ERMP1: variants seen among roughly 807,000 people sequenced by gnomAD.
ERMP1 encodes the protein Felix-ina.
In ERMP1, 86 loss-of-function variants were observed where a neutral mutation model predicts 92.0. The ratio of observed to expected loss-of-function variants is 0.93; its 90% CI spans 0.79 to 1.12. ERMP1 has a LOEUF of 1.12. ERMP1 is among the 50% of genes most tolerant of loss of function. The pLI, the probability that ERMP1 is intolerant of heterozygous loss-of-function variation, is 0.00. For missense variants in ERMP1, 1,342 were observed against 1,116.3 expected (o/e 1.20, Z -2.88); for synonymous variants, 530 against 412.8 (o/e 1.28, Z -3.44).
chr9:5,835,051 T>TA (rs1185866223), upstream of ERMP1, among the ~76,000 whole-genome samples: 3 of 148,614 alleles, frequency 2.0e-5, no homozygotes, highest in African/African-American at 7.4e-5. Flanking sequence ...AGATTCTCAT[T>TA]AAAAACTATT....
chr9:5,824,072 C>T (rs1829643977), intron 3 of ERMP1, 71 bp from the exon 4 acceptor site: 1 of 1,178,164 alleles, frequency 8.5e-7, no homozygotes. Context: ...TTTGCTTAAA[C>T]ACAGAGAGAC....
chr9:5,791,805 T>C (rs1563746170), intron 13 of ERMP1, among the ~76,000 whole-genome samples: 1 of 152,196 alleles, frequency 6.6e-6, no homozygotes, highest in Non-Finnish European at 1.5e-5. Context: ...TGCCAGTGAT[T>C]ATACTGGATG....
intron 2 of ERMP1, among the ~76,000 whole-genome samples, chr9:5,828,647 G>A (rs188193951): frequency 6.0e-4 from 91 of 152,308 alleles, no homozygotes; most frequent in Non-Finnish European, 1.0e-3. Context: ...ACCTCTTTGA[G>A]ATGTACTCAT....
At chr9:5,845,213 T>C (rs1349045138) in intron 6 of ERMP1, among the ~76,000 whole-genome samples, 1 of 152,032 alleles carries the variant, frequency 6.6e-6, no homozygotes, top group African/African-American at 2.4e-5. Flanking sequence ...TCTTAAAGTT[T>C]TAATGCCCCT....
intron 6 of ERMP1, among the ~76,000 whole-genome samples, chr9:5,851,528 G>A (rs1462994243): frequency 6.6e-6 from 1 of 152,118 alleles, no homozygotes; most frequent in East Asian, 1.9e-4. Context: ...GGCGAGGGAG[G>A]GTTCGTGATC....
At chr9:5,859,642 G>A (rs929832493) in intron 5 of ERMP1, among the ~76,000 whole-genome samples, 26 of 152,268 alleles carry the variant, frequency 1.7e-4, no homozygotes, top group African/African-American at 6.3e-4. Context: ...GAAAATAGAG[G>A]CACATGTGCT....
intron 6 of ERMP1, among the ~76,000 whole-genome samples, chr9:5,853,935 G>C (rs1431730181): frequency 6.6e-6 from 1 of 151,812 alleles, no homozygotes; most frequent in African/African-American, 2.4e-5. Flanking sequence ...ACAAAAGACA[G>C]ATGAACAGAG....
rs1173743615 is a variant in ERMP1, at chr9:5,830,954, T to G, written c.413A>C (p.His138Pro). ...CAGTTTAATCTGTTCCAAAAGGTAG[T>G]GCACGGTCAGAATTTCATTTTCTGG... ...GSPENEILTV[H>P]YLLEQIKLIE... The change falls in exon 2 of 15, where the codon CAC (histidine) becomes CCC (proline). Residue 138 changes from histidine to proline, a missense_variant. By Grantham distance (77) the His-to-Pro change is moderately conservative (BLOSUM62 -2). Transcript: ENST00000339450. 3.1e-6 allele frequency: 5 copies of G among 1,614,024 alleles called. No homozygotes were observed. Among genetic ancestry groups the G allele is most frequent in the African/African-American group, 1.3e-5 (1 of 74,928 alleles).
chr9:5,805,000 A>T, intron 10 of ERMP1, 27 bp downstream of exon 10: 1 of 1,554,892 alleles, frequency 6.4e-7, no homozygotes, highest in Non-Finnish European at 8.7e-7. Context: ...AAAATGAAGA[A>T]AAAGAAAAAA....
chr9:5,827,128 T>C (rs1829757434), intron 2 of ERMP1, among the ~76,000 whole-genome samples: 1 of 152,194 alleles, frequency 6.6e-6, no homozygotes, highest in South Asian at 2.1e-4. Flanking sequence ...TTTCTGTGGA[T>C]AACATTACTC....
intron 6 of ERMP1, among the ~76,000 whole-genome samples, chr9:5,845,288 T>G (rs541875557): frequency 6.6e-6 from 1 of 152,222 alleles, no homozygotes; most frequent in African/African-American, 2.4e-5. Context: ...TCTTGTCAGG[T>G]GTTTTTGCTT....
chr9:5,834,703 A>ATGTG (rs766269385), upstream of ERMP1, among the ~76,000 whole-genome samples: 12,663 of 122,680 alleles, frequency 0.1, 832 homozygotes, highest in Non-Finnish European at 0.12. Context: ...GTATGTATAT[A>ATGTG]TGTGTGTGTG....
chr9:5,850,405 CAAAAAAAAAAAAA>C (rs59464514), intron 6 of ERMP1, among the ~76,000 whole-genome samples: 2 of 40,598 alleles, frequency 4.9e-5, no homozygotes, highest in Non-Finnish European at 8.0e-5. Flanking sequence ...AACTCCGTCT[CAAAAAAAAAAAAA>C]AAAAAAAAAA....
chr9:5,846,067 A>C (rs1341582039), intron 6 of ERMP1, among the ~76,000 whole-genome samples: 2 of 152,146 alleles, frequency 1.3e-5, no homozygotes, highest in Non-Finnish European at 2.9e-5. Flanking sequence ...GGTGGGGTGG[A>C]TTCTGCACCC....
chr9:5,825,492 A>C (rs910467968), intron 2 of ERMP1, among the ~76,000 whole-genome samples: 3 of 152,240 alleles, frequency 2.0e-5, no homozygotes, highest in African/African-American at 7.2e-5. Context: ...TAAATGAAGT[A>C]ACCTGAGGGG....
At chr9:5,848,454 T>C (rs559051025) in intron 6 of ERMP1, among the ~76,000 whole-genome samples, 1 of 152,300 alleles carries the variant, frequency 6.6e-6, no homozygotes, top group South Asian at 2.1e-4. Flanking sequence ...AGATAATACA[T>C]TCGTATTGTT....
intron 2 of ERMP1, among the ~76,000 whole-genome samples, chr9:5,828,922 T>G (rs909158843): frequency 6.6e-6 from 1 of 152,066 alleles, no homozygotes; most frequent in Non-Finnish European, 1.5e-5. Context: ...AAGAGTGACA[T>G]TTATTACTGC....
chr9:5,822,081 C>T (rs1329668393), intron 4 of ERMP1, among the ~76,000 whole-genome samples: 1 of 151,716 alleles, frequency 6.6e-6, no homozygotes, highest in East Asian at 1.9e-4. Flanking sequence ...TGGCCAAACC[C>T]CATCTCTACA....
At position 5,830,871 on chromosome 9, in the gene ERMP1, C is replaced by G; in HGVS notation, c.496G>C (p.Gly166Arg). The change falls in exon 2 of 15, where the codon GGC becomes CGC. Residue 166 changes from glycine to arginine, a missense_variant. Transcript: ENST00000339450. ...KISVDVQRPT[G>R]SFSIDFLGGF... ...CCCAAGAAATCAATGCTAAAAGAGC[C>G]TGTGGGCCGTTGTACATCTACTGAA... The G allele has an allele frequency of 2.5e-6, 4 of 1,614,128 alleles. No homozygotes were observed. Among genetic ancestry groups the G allele is most frequent in the Non-Finnish European group, 3.4e-6 (4 of 1,180,030 alleles).
Sources: gnomAD v4.1 joint callset for allele counts (sites outside exome capture counted in the v4.1 genomes callset) on GRCh38, gnomAD v4.1.1 for gene constraint, MANE v1.5 for transcripts, NCBI Gene and HGNC (gene_info 2026-07-23, HGNC 2026-07-21) for gene names.